Variants in SECISBP2 observed in about 807,000 individuals in gnomAD.
SECISBP2 encodes the protein SECIS binding protein 2.
A neutral mutation model predicts 98.2 loss-of-function variants in SECISBP2; 96 were observed. The ratio of observed to expected loss-of-function variants is 0.98; its 90% CI spans 0.83 to 1.16. SECISBP2 has a LOEUF of 1.16. Among genes scored for constraint, SECISBP2 ranks in the 50% most tolerant of loss-of-function variants. SECISBP2 has a pLI of 0.00. For synonymous variants in SECISBP2, 407 were observed against 370.2 expected (o/e 1.10, Z -1.14); for missense variants, 1,046 against 1,022.9 (o/e 1.02, Z -0.31).
chr9:89,334,626 G>T lies in SECISBP2; in HGVS notation c.985G>T (p.Ala329Ser). The change falls in exon 7 of 17, where the codon GCT (alanine) becomes TCT (serine). Residue 329 changes from alanine (A) to serine (S), a missense_variant. Transcript: ENST00000375807. ...TTCTATGATAAACTTAAAGACCATT[G>T]CTTCATCAGCAGATCCTAAAAATGT... Reference protein sequence around the residue: ...VTSMINLKTIASSADPKNVSI... With the variant: ...VTSMINLKTISSSADPKNVSI... 6.2e-7 allele frequency: 1 copy of T among 1,614,008 alleles called. No individual in the cohort carries two copies. The highest frequency in any genetic ancestry group is 8.5e-7 in the Non-Finnish European group (1 of 1,179,886).
At chr9:89,357,657 C>G in intron 15 of SECISBP2, 92 bp downstream of exon 15, 1 of 1,476,246 alleles carries the variant, frequency 6.8e-7, no homozygotes, top group Non-Finnish European at 9.5e-7. Context: ...AGAGCAGCCC[C>G]AGAACCTCCA....
At chr9:89,320,493 T>C (rs1022927220) in intron 2 of SECISBP2, among the ~76,000 whole-genome samples, 1 of 152,152 alleles carries the variant, frequency 6.6e-6, no homozygotes, top group African/African-American at 2.4e-5. Flanking sequence ...TACTCCTCCT[T>C]TTTAAGGTTA....
At chr9:89,363,259 G>A (rs969055128), downstream of SECISBP2, among the ~76,000 whole-genome samples, 4 of 144,810 alleles carry the variant, frequency 2.8e-5, no homozygotes, top group African/African-American at 7.5e-5. Flanking sequence ...GCAACAAGAC[G>A]TGGGATTTCC....
intron 1 of SECISBP2, chr9:89,319,086 C>T: frequency 1.0e-6 from 1 of 984,506 alleles, no homozygotes; most frequent in Non-Finnish European, 1.2e-6. Context: ...CTTACTACGT[C>T]ACTAAAAACT....
chr9:89,338,088 A>G (rs1287750567), intron 7 of SECISBP2, among the ~76,000 whole-genome samples: 1 of 152,156 alleles, frequency 6.6e-6, no homozygotes, highest in Non-Finnish European at 1.5e-5. Context: ...GACAGGTGTG[A>G]TGTGCAGATG....
intron 14 of SECISBP2, among the ~76,000 whole-genome samples, chr9:89,351,072 G>A (rs1402821016): frequency 1.3e-5 from 2 of 152,196 alleles, no homozygotes; most frequent in African/African-American, 4.8e-5. Context: ...CCTGCACGCT[G>A]GGAGGCCAGC....
Position 89,325,560 on chromosome 9 carries a change from G to T in SECISBP2, c.316G>T (p.Val106Leu). 1.2e-6 allele frequency: 2 copies of T among 1,614,094 alleles called. No homozygotes were observed. The highest frequency in any genetic ancestry group is 1.7e-6 in the Non-Finnish European group (2 of 1,180,018). The stretch of plus-strand genomic sequence containing the variant: ...TGACTCCACACAGAATGTTTACTCA[G>T]TGCCTGGCTCCCAGTATCTTTATAA... ...TLDSTQNVYS[V>L]PGSQYLYNQP... Residue 106 changes from valine to leucine, a missense_variant, in exon 3 of 17, where the codon GTG (valine) becomes TTG (leucine). Val to Leu is a conservative substitution (Grantham distance 32). Transcript: ENST00000375807.
At chr9:89,340,869 G>A (rs1016312339) in intron 9 of SECISBP2, among the ~76,000 whole-genome samples, 2 of 152,180 alleles carry the variant, frequency 1.3e-5, no homozygotes, top group African/African-American at 4.8e-5. Context: ...CAGACTTTGA[G>A]CCTGCATTTA....
At chr9:89,363,563 G>A, downstream of SECISBP2, 1 of 1,612,486 alleles carries the variant, frequency 6.2e-7, no homozygotes, top group Non-Finnish European at 8.5e-7. Flanking sequence ...TCAAAGCTCT[G>A]TGGGCCTTTA....
chr9:89,351,485 C>T (rs1420949562), intron 14 of SECISBP2, among the ~76,000 whole-genome samples: 3 of 152,100 alleles, frequency 2.0e-5, no homozygotes, highest in Non-Finnish European at 4.4e-5. Flanking sequence ...CTGATAAGAG[C>T]AGAGTGGCAT....
chr9:89,345,402 G>A (rs957432327), intron 10 of SECISBP2, among the ~76,000 whole-genome samples: 2 of 152,224 alleles, frequency 1.3e-5, no homozygotes, highest in Non-Finnish European at 2.9e-5. Flanking sequence ...AGCCAAAGCA[G>A]AGCGGGGAGA....
intron 14 of SECISBP2, among the ~76,000 whole-genome samples, chr9:89,352,880 C>T (rs973786142): frequency 6.0e-5 from 9 of 151,230 alleles, no homozygotes; most frequent in African/African-American, 2.2e-4. Context: ...TCATGGTTGC[C>T]TCTTGGAGAA....
chr9:89,357,684 G>GAGGAGCCACCACTTAGGCAGAACCTTCTT, intron 15 of SECISBP2, 119 bp downstream of exon 15: 1 of 1,243,870 alleles, frequency 8.0e-7, no homozygotes. Flanking sequence ...TGTCATTGAG[G>GAGGAGCCACCACTTAGGCAGAACCTTCTT]AGGAGCCACC....
intron 10 of SECISBP2, 33 bp from the exon 11 acceptor site, chr9:89,346,849 T>G (rs908086280): frequency 2.5e-6 from 4 of 1,613,142 alleles, no homozygotes; most frequent in Non-Finnish European, 3.4e-6. Context: ...ATCTGGGAGG[T>G]GACCGTGAGG....
At chr9:89,338,668 G>GA in intron 8 of SECISBP2, 88 bp downstream of exon 8, 1 of 1,358,532 alleles carries the variant, frequency 7.4e-7, no homozygotes, top group South Asian at 1.3e-5. Flanking sequence ...TTTCCTAAGT[G>GA]AAAATCTCCA....
Position 89,348,096 on chromosome 9 carries a change from G to T in SECISBP2, c.1620G>T (p.Arg540=), listed in dbSNP as rs1322385636. 1 of 1,613,350 alleles carries T rather than the reference G, an allele frequency of 6.2e-7. No individual in the cohort carries two copies. Among genetic ancestry groups the T allele is most frequent in the Non-Finnish European group, 8.5e-7 (1 of 1,179,422 alleles). The change falls in exon 12 of 17, where the codon CGG becomes CGT. Residue 540 remains arginine (R), a synonymous_variant. Transcript: ENST00000375807. The part of the protein sequence containing the change: ...TSLKKIILKE[R]QERKQRLQEN... ...TTTTTAAGATTATTTTGAAAGAACGGCAAGAGAGAAAGCAGCGTCTCCAAG... is the reference window on the plus strand; with the variant it reads ...TTTTTAAGATTATTTTGAAAGAACGTCAAGAGAGAAAGCAGCGTCTCCAAG...
chr9:89,341,245 A>T (rs576039301), intron 9 of SECISBP2, 102 bp from the exon 10 acceptor site: 13 of 1,128,260 alleles, frequency 1.2e-5, no homozygotes. Flanking sequence ...TCTTTTTTAT[A>T]GTCTCAATCT....
intron 5 of SECISBP2, 123 bp from the exon 6 acceptor site, chr9:89,332,785 T>A: frequency 1.2e-6 from 1 of 800,400 alleles, no homozygotes; most frequent in Non-Finnish European, 2.1e-6. Flanking sequence ...GTAACGTTTT[T>A]CATTCTTACC....
rs146319088 is a variant in SECISBP2 at position 89,333,085 on chromosome 9, C to CT, written c.880+101dup. The CT allele has an allele frequency of 1.9e-3, 1,899 of 981,236 alleles. 28 individuals are homozygous for CT. The African/African-American group carries it at 0.028, about 14-fold the overall frequency. The allele number at this position is 981,236 out of a possible 1,614,324, so 60.8% of individuals were successfully genotyped here. ...GTTGAAATGATTTTTGTTGTAAAGA[C>CT]TTAAGACAGCTAATGAATTGTGGGT... On this transcript the variant is annotated intron_variant, in intron 6 of 16. Transcript: ENST00000375807.
Sources: gnomAD v4.1 joint callset for allele counts (sites outside exome capture counted in the v4.1 genomes callset) on GRCh38, gnomAD v4.1.1 for gene constraint, MANE v1.5 for transcripts, NCBI Gene and HGNC (gene_info 2026-07-23, HGNC 2026-07-21) for gene names.